C4orf51: variants seen among roughly 807,000 people sequenced by gnomAD.
C4orf51 encodes the protein uncharacterized protein C4orf51.
A neutral mutation model predicts 25.2 loss-of-function variants in C4orf51; 25 were observed. That is an observed-to-expected ratio of 0.99 (90% confidence interval 0.72 to 1.39). C4orf51 has a LOEUF of 1.39. Among genes scored for constraint, C4orf51 ranks in the 40% most tolerant of loss-of-function variants. The pLI, the probability that C4orf51 is intolerant of heterozygous loss-of-function variation, is 0.00. For missense variants in C4orf51, 252 were observed against 239.6 expected, an observed-to-expected ratio of 1.05 and a Z score of -0.34; for synonymous variants, 100 against 84.5, an observed-to-expected ratio of 1.18 and a Z score of -1.01.
At chr4:145,769,879 TA>T (rs1035037118) in intron 1 of C4orf51, among the ~76,000 whole-genome samples, 15 of 152,038 alleles carry the variant, frequency 9.9e-5, no homozygotes, top group African/African-American at 3.4e-4. Flanking sequence ...ATTGAAACCA[TA>T]AAAAAAATTA....
rs199624953 is a variant in C4orf51, at chr4:145,765,535, C to T, written n.167-5453C>T. On this transcript the variant is annotated intron_variant and non_coding_transcript_variant, in intron 1 of 1. Coordinates refer to the C4orf51 transcript ENST00000510096. This position sits in a 1 kb window ranked among gnomAD's most constrained non-coding sequence, Gnocchi z 4.7. ...GGAGGGTTGAGCAGGCTCACACCCA[C>T]CTCCTCCTTACCTTTCTCTGGCTTT... is the stretch of plus-strand genomic sequence containing the variant. 3.1e-6 allele frequency: 5 copies of T among 1,605,438 alleles called. No homozygotes were observed. The Admixed American group carries it at 6.7e-5, about 22-fold the overall frequency.
In C4orf51 at chr4:145,695,655, T is replaced by C. The variant is rs1730000933; in HGVS notation, c.234-904T>C. ...TTTTGTTGTGATTGCTTTTGGCATC[T>C]ATGTCATGAAATCTTTCTGGAATAT... On this transcript the variant is annotated intron_variant, in intron 1 of 5. Coordinates refer to ENST00000438731, the MANE Select transcript of C4orf51 (RefSeq NM_001080531.3). Among the ~76,000 whole-genome samples the C allele has an allele frequency of 2.0e-5, 3 of 152,226 alleles. No individual in the cohort carries two copies. In the South Asian group the frequency reaches 6.2e-4, roughly 31 times the overall value.
downstream of C4orf51, chr4:145,775,729 G>A: frequency 6.3e-7 from 1 of 1,595,650 alleles, no homozygotes; most frequent in East Asian, 2.2e-5. Context: ...CAGACAGGTA[G>A]GAAGTGTTGA....
downstream of C4orf51, among the ~76,000 whole-genome samples, chr4:145,771,358 C>A (rs1234840627): frequency 6.6e-6 from 1 of 152,128 alleles, no homozygotes; most frequent in Non-Finnish European, 1.5e-5. Context: ...ATTCTATTTT[C>A]TTCAGGCTTT....
intron 1 of C4orf51, among the ~76,000 whole-genome samples, chr4:145,752,142 C>T (rs1310983286): frequency 1.3e-5 from 2 of 152,198 alleles, no homozygotes; most frequent in African/African-American, 4.8e-5. Context: ...TGCTCTACCC[C>T]ACTGTGGTCA....
chr4:145,747,580 T>C (rs1733440693), intron 1 of C4orf51, among the ~76,000 whole-genome samples: 1 of 152,138 alleles, frequency 6.6e-6, no homozygotes, highest in Non-Finnish European at 1.5e-5. Context: ...ATCCTTTTAA[T>C]GTGTCATTAA....
chr4:145,743,462 C>G (rs1733207137), intron 1 of C4orf51, among the ~76,000 whole-genome samples: 1 of 152,134 alleles, frequency 6.6e-6, no homozygotes, highest in South Asian at 2.1e-4. Flanking sequence ...ATAACAAAGC[C>G]ATGCCTGTGA....
At chr4:145,713,840 T>C (rs912985616) in intron 2 of C4orf51, among the ~76,000 whole-genome samples, 35 of 152,214 alleles carry the variant, frequency 2.3e-4, no homozygotes, top group African/African-American at 8.4e-4. Flanking sequence ...TGGAGTGCAG[T>C]GATGCAATCT....
Position 145,763,236 on chromosome 4 carries a change from C to A in C4orf51, n.167-7752C>A, listed in dbSNP as rs1246185295. ...CAATTTAGACATCAGCAGTCTGTTTCATTTTAAGGACATTTCTGTGACCCA... is the reference window on the plus strand; with the variant it reads ...CAATTTAGACATCAGCAGTCTGTTTAATTTTAAGGACATTTCTGTGACCCA... On this transcript the variant is annotated intron_variant and non_coding_transcript_variant, in intron 1 of 1. Transcript: ENST00000510096. This position sits in a 1 kb window ranked among gnomAD's most constrained non-coding sequence, Gnocchi z 4.6. The A allele has an allele frequency of 7.5e-6, 8 of 1,068,522 alleles. No individual in the cohort carries two copies. The highest frequency in any genetic ancestry group is 1.1e-5 in the Non-Finnish European group (8 of 745,618). 66.2% of individuals were successfully genotyped at this position (1,068,522 alleles called of 1,614,324 possible). A position where few individuals can be genotyped will look rare whatever the true frequency, so the allele number is the denominator to read the frequency against.
chr4:145,760,565 G>T, intron 1 of C4orf51: 1 of 170,192 alleles, frequency 5.9e-6, no homozygotes, highest in Non-Finnish European at 1.2e-5. Flanking sequence ...TCTGAAGATT[G>T]GATAAAGCAG....
At chr4:145,782,516 T>C in the C4orf51 span, among the ~76,000 whole-genome samples, 1 of 152,226 alleles carries the variant, frequency 6.6e-6, no homozygotes, top group Non-Finnish European at 1.5e-5. Flanking sequence ...CAGAAGCTGG[T>C]GATCTTATGC....
At chr4:145,784,409 C>G in the C4orf51 span, among the ~76,000 whole-genome samples, 1 of 152,326 alleles carries the variant, frequency 6.6e-6, no homozygotes, top group Admixed American at 6.5e-5. Context: ...TATGGTTCCT[C>G]TTGGTCTTAG....
chr4:145,778,117 C>T, the C4orf51 span, among the ~76,000 whole-genome samples: 5 of 152,118 alleles, frequency 3.3e-5, no homozygotes, highest in South Asian at 6.2e-4. Context: ...CATGGAGAAA[C>T]CCCATTTCTA....
chr4:145,711,388 T>C (rs755248405), intron 2 of C4orf51, among the ~76,000 whole-genome samples: 6 of 152,222 alleles, frequency 3.9e-5, no homozygotes, highest in Non-Finnish European at 7.3e-5. Context: ...AAAAGTCACC[T>C]TTGGGTTGAA....
In C4orf51 at chr4:145,762,187, G is replaced by A. The variant is rs1734623470; in HGVS notation, n.167-8801G>A. Among the ~76,000 whole-genome samples the A allele has an allele frequency of 6.6e-6, 1 of 152,196 alleles. No individual in the cohort carries two copies. Among genetic ancestry groups the A allele is most frequent in the Non-Finnish European group, 1.5e-5 (1 of 68,034 alleles). On this transcript the variant is annotated intron_variant and non_coding_transcript_variant, in intron 1 of 1. Transcript: ENST00000510096. This position sits in a 1 kb window ranked among gnomAD's most constrained non-coding sequence, Gnocchi z 4.9. The stretch of plus-strand genomic sequence containing the variant: ...AAGGCCTGTGTGTGTCTCTCTGTGT[G>A]AGTGTGTGCATGTGTACATATCTAT...
rs1245353492 is a variant in C4orf51 at position 145,690,204 on chromosome 4, T to TA, written c.234-6347dup. On this transcript the variant is annotated intron_variant, in intron 1 of 5. Transcript: ENST00000438731. ...CTTGGGCAACAAGAGCAAACCTCCGTAAAAAAAATAAATAAAATAGGCTGG... is the reference window on the plus strand; with the variant it reads ...CTTGGGCAACAAGAGCAAACCTCCGTAAAAAAAAATAAATAAAATAGGCTGG... Among the ~76,000 whole-genome samples, 357 of 130,834 alleles carry TA rather than the reference T, an allele frequency of 2.7e-3. 1 individual carries two copies. Among genetic ancestry groups the TA allele is most frequent in the African/African-American group, 0.01 (348 of 34,328 alleles). The allele number at this position is 130,834 out of a possible 152,430, so 85.8% of individuals were successfully genotyped here.
chr4:145,706,663 CAG>C (rs953868394), intron 2 of C4orf51, among the ~76,000 whole-genome samples: 21 of 151,926 alleles, frequency 1.4e-4, no homozygotes, highest in Middle Eastern at 6.8e-3. Flanking sequence ...TTTTTTGGGA[CAG>C]AGTCTCGCTC....
the C4orf51 span, among the ~76,000 whole-genome samples, chr4:145,783,362 T>A: frequency 6.6e-6 from 1 of 152,252 alleles, no homozygotes; most frequent in African/African-American, 2.4e-5. Flanking sequence ...CTATGGCCAA[T>A]TCAGAATGAA....
At chr4:145,698,935 C>G (rs1165559713) in intron 2 of C4orf51, among the ~76,000 whole-genome samples, 2 of 152,134 alleles carry the variant, frequency 1.3e-5, no homozygotes, top group East Asian at 3.9e-4. Context: ...ATGCCCAGCC[C>G]CACCTTAACT....
Sources: gnomAD v4.1 joint callset for allele counts (sites outside exome capture counted in the v4.1 genomes callset) on GRCh38, gnomAD v4.1.1 for gene constraint, Gnocchi (gnomAD v3.1) non-coding constraint, MANE v1.5 for transcripts, NCBI Gene and HGNC (gene_info 2026-07-23, HGNC 2026-07-21) for gene names.